NOLC1: variants seen among roughly 807,000 people sequenced by gnomAD.
The protein encoded by NOLC1 is 140 kDa nucleolar phosphoprotein.
NOLC1 carries 37 observed loss-of-function variants against 73.4 expected under a neutral mutation model. The observed-to-expected ratio is 0.50, with a 90% CI of 0.39 to 0.66. The LOEUF is 0.66. Ranked by LOEUF, NOLC1 falls within the 30% of genes least tolerant of loss-of-function variation. The pLI, the probability that NOLC1 is intolerant of heterozygous loss-of-function variation, is 0.00. For synonymous variants in NOLC1, 327 were observed against 302.6 expected (o/e 1.08, Z -0.84); for missense variants, 921 against 838.9 (o/e 1.10, Z -1.21).
At chr10:102,157,376 A>G (rs367791584) in intron 3 of NOLC1, 48 bp downstream of exon 3, 32 of 1,613,298 alleles carry the variant, frequency 2.0e-5, no homozygotes, top group Admixed American at 3.3e-5. Context: ...AAAAGAATTT[A>G]CAGCCTGCTT....
rs1159429260 is a variant in NOLC1, at chr10:102,163,689, T to A, written c.*1420T>A. The A allele has an allele frequency of 3.3e-5, 5 of 152,214 alleles. No individual in the cohort carries two copies. Among genetic ancestry groups the A allele is most frequent in the African/African-American group, 1.2e-4 (5 of 41,448 alleles). 9.4% of individuals were successfully genotyped at this position (152,214 alleles called of 1,614,324 possible). A position where few individuals can be genotyped will look rare whatever the true frequency, so the allele number is the denominator to read the frequency against. The stretch of plus-strand genomic sequence containing the variant: ...GCCTTCATGGACGAGTTATAGGTCT[T>A]AAGATTAGTCTCCTCTTGTTTGGAT... On this transcript the variant is annotated 3_prime_UTR_variant, in exon 13 of 13. Transcript: ENST00000605788.
Position 102,162,260 on chromosome 10 carries a change from C to G in NOLC1, c.2091C>G (p.Asp697Glu), listed in dbSNP as rs1387656246. The change falls in exon 13 of 13, where the codon GAC becomes GAG. Residue 697 changes from aspartate (D) to glutamate (E), a missense_variant. Coordinates refer to ENST00000605788, the MANE Select transcript of NOLC1 (RefSeq NM_004741.5). ...ISVQVNSIKFDSE is the reference protein window; with the variant it reads ...ISVQVNSIKFESE ...TCCAGGTCAATTCTATTAAGTTTGA[C>G]AGCGAGTGACCTGAGGCCATCTTCG... is the stretch of plus-strand genomic sequence containing the variant. 2 of 1,613,886 alleles carry G rather than the reference C, an allele frequency of 1.2e-6. No individual in the cohort carries two copies. Among genetic ancestry groups the G allele is most frequent in the South Asian group, 2.2e-5 (2 of 91,054 alleles).
chr10:102,158,258 C>T (rs1399011559), intron 5 of NOLC1, 44 bp downstream of exon 5: 2 of 1,574,736 alleles, frequency 1.3e-6, no homozygotes, highest in Middle Eastern at 1.7e-4. Context: ...GACCAGATTG[C>T]TCTGGGGACT....
chr10:102,158,849 C>T (rs1363828874), intron 5 of NOLC1, among the ~76,000 whole-genome samples: 3 of 152,022 alleles, frequency 2.0e-5, no homozygotes, highest in African/African-American at 7.2e-5. Context: ...AATCCCAGCA[C>T]TTTGGGAGGC....
Position 102,157,309 on chromosome 10 carries a change from G to A in NOLC1, c.297G>A (p.Gly99=), listed in dbSNP as rs1469678694. Reference sequence around the variant, plus strand: ...GCGAGGAGGAGGAGGAAGTTCAAGGGCCTCCAGCAAAGAAGGCTGGTAAGG... The same window carrying A: ...GCGAGGAGGAGGAGGAAGTTCAAGGACCTCCAGCAAAGAAGGCTGGTAAGG... ...DSSEEEEEVQ[G]PPAKKAAVPA... Residue 99 remains glycine (G), a synonymous_variant, in exon 3 of 13, where the codon GGG becomes GGA. Transcript: ENST00000605788. The A allele has an allele frequency of 2.5e-6, 4 of 1,614,128 alleles. No individual in the cohort carries two copies. The highest frequency in any genetic ancestry group is 3.4e-6 in the Non-Finnish European group (4 of 1,180,002).
chr10:102,156,122 G>A (rs2069590644), intron 1 of NOLC1, among the ~76,000 whole-genome samples: 1 of 152,248 alleles, frequency 6.6e-6, no homozygotes, highest in Admixed American at 6.5e-5. Context: ...TTATAGGCGT[G>A]AGCCACTGCA....
chr10:102,162,009 C>G, intron 12 of NOLC1, 84 bp downstream of exon 12: 1 of 1,602,584 alleles, frequency 6.2e-7, no homozygotes, highest in Non-Finnish European at 8.5e-7. Flanking sequence ...TGGTGGGAAT[C>G]TTCTCTGGGT....
intron 10 of NOLC1, 75 bp downstream of exon 10, chr10:102,161,168 G>A (rs1029559810): frequency 2.1e-6 from 3 of 1,441,912 alleles, no homozygotes; most frequent in South Asian, 1.4e-5. Context: ...TGAGAGTAGG[G>A]TAGTGAGAGG....
intron 1 of NOLC1, among the ~76,000 whole-genome samples, chr10:102,156,507 G>A (rs1158109322): frequency 6.6e-6 from 1 of 150,694 alleles, no homozygotes; most frequent in Non-Finnish European, 1.5e-5. Flanking sequence ...CTAGGTTCAA[G>A]TGATTCTCCT....
At position 102,160,969 on chromosome 10, in the gene NOLC1, A is replaced by G. The variant is rs774542141; in HGVS notation, c.1617A>G (p.Pro539=). ...EEEKLKGKGS[P]RPQAPKANGT... ...AGAAGCTCAAGGGCAAGGGCTCTCC[A>G]AGACCACAAGCCCCCAAGGCCAATG... is the stretch of plus-strand genomic sequence containing the variant. The change falls in exon 10 of 13, where the codon CCA becomes CCG. Residue 539 remains proline, a synonymous_variant. Coordinates refer to ENST00000605788, the MANE Select transcript of NOLC1 (RefSeq NM_004741.5). 3 of 1,614,192 alleles carry G rather than the reference A, an allele frequency of 1.9e-6. No homozygotes were observed. The South Asian group carries it at 3.3e-5, about 18-fold the overall frequency.
At chr10:102,157,946 C>T (rs996737620) in intron 4 of NOLC1, 103 bp from the exon 5 acceptor site, 28 of 1,042,538 alleles carry the variant, frequency 2.7e-5, no homozygotes, top group Admixed American at 2.5e-5. Flanking sequence ...CTTTCTTTTG[C>T]TCTTACTGCT....
At chr10:102,161,995 A>G (rs747653052) in intron 12 of NOLC1, 70 bp downstream of exon 12, 145 of 1,601,646 alleles carry the variant, frequency 9.1e-5, no homozygotes, top group Non-Finnish European at 1.2e-4. Context: ...TTCTTGGTTC[A>G]GGTTGGTGGG....
chr10:102,160,326 G>A lies in NOLC1; in HGVS notation c.1082G>A (p.Ser361Asn). ...KPPPAKKAAESSSDSSDSDSS... is the reference protein window; with the variant it reads ...KPPPAKKAAENSSDSSDSDSS... ...CCTCCAGCAAAGAAAGCAGCAGAGA[G>A]CTCTTCAGACAGCTCAGGTAAGGCA... The change falls in exon 9 of 13, where the codon AGC becomes AAC. Residue 361 changes from serine to asparagine, a missense_variant. Physicochemically the swap from Ser to Asn is conservative, Grantham distance 46. Coordinates refer to ENST00000605788, the MANE Select transcript of NOLC1 (RefSeq NM_004741.5). 9 of 1,614,202 alleles carry A rather than the reference G, an allele frequency of 5.6e-6. No homozygotes were observed. Among genetic ancestry groups the A allele is most frequent in the Non-Finnish European group, 7.6e-6 (9 of 1,180,018 alleles).
At position 102,159,694 on chromosome 10, in the gene NOLC1, A is replaced by G. The variant is rs192073220; in HGVS notation, c.859+126A>G. 1.6e-5 allele frequency: 18 copies of G among 1,144,390 alleles called. No individual in the cohort carries two copies. In the East Asian group the frequency reaches 3.6e-4, roughly 23 times the overall value. 70.9% of individuals were successfully genotyped at this position (1,144,390 alleles called of 1,614,324 possible). Reference sequence around the variant, plus strand: ...ATGACAGCTAGCTTCTCCGAGCACTAGTGATCCAGGAAAGCAAGGAGAAAT... The same window carrying G: ...ATGACAGCTAGCTTCTCCGAGCACTGGTGATCCAGGAAAGCAAGGAGAAAT... On this transcript the variant is annotated intron_variant, in intron 7 of 12. Coordinates refer to ENST00000605788, the MANE Select transcript of NOLC1 (RefSeq NM_004741.5).
rs765942242 is a variant in NOLC1, at chr10:102,162,284, C to A, written c.*15C>A. 3 of 1,612,124 alleles carry A rather than the reference C, an allele frequency of 1.9e-6. No individual in the cohort carries two copies. Among genetic ancestry groups the A allele is most frequent in the Non-Finnish European group, 1.7e-6 (2 of 1,178,688 alleles). On this transcript the variant is annotated 3_prime_UTR_variant, in exon 13 of 13. Transcript: ENST00000605788. ...ACAGCGAGTGACCTGAGGCCATCTT[C>A]GGTGAAGCAAGGGTGATGATCGGAG...
In NOLC1 at chr10:102,159,581, G is replaced by A. The variant is rs1474703713; in HGVS notation, c.859+13G>A. On this transcript the variant is annotated intron_variant, in intron 7 of 12. Transcript: ENST00000605788. ...AAAAATAAACCAGGTGACTGGACAT[G>A]GGGAGCGAAGCTGTGTGACTGTGGT... is the stretch of plus-strand genomic sequence containing the variant. 2.5e-6 allele frequency: 4 copies of A among 1,611,884 alleles called. No homozygotes were observed. In the Admixed American group the frequency reaches 6.7e-5, roughly 27 times the overall value.
Position 102,160,218 on chromosome 10 carries a change from AC to A in NOLC1, c.989-14del. 1 of 1,610,920 alleles carries A rather than the reference AC, an allele frequency of 6.2e-7. No homozygotes were observed. The highest frequency in any genetic ancestry group is 8.5e-7 in the Non-Finnish European group (1 of 1,177,078). ...GGGACTCTGGACCCAGCATAATGCT[AC>A]AGGTTCTCCTCAGATTCAAGTTCTG... On this transcript the variant is annotated splice_polypyrimidine_tract_variant and intron_variant, in intron 8 of 12. Coordinates refer to ENST00000605788, the MANE Select transcript of NOLC1 (RefSeq NM_004741.5).
chr10:102,159,161 T>A, intron 5 of NOLC1, 32 bp from the exon 6 acceptor site: 2 of 1,580,624 alleles, frequency 1.3e-6, no homozygotes, highest in Admixed American at 1.7e-5. Context: ...GCCCTAATAC[T>A]CCTTACTCTT....
chr10:102,161,798 C>T (rs1207498624), intron 11 of NOLC1, 35 bp from the exon 12 acceptor site: 2 of 1,600,030 alleles, frequency 1.2e-6, no homozygotes, highest in African/African-American at 2.7e-5. Flanking sequence ...TACATGACCA[C>T]TCTGTCTTTA....
Sources: allele counts gnomAD v4.1 joint callset (sites outside exome capture counted in the v4.1 genomes callset), GRCh38; gene constraint gnomAD v4.1.1; transcripts MANE v1.5; gene names NCBI Gene and HGNC (gene_info 2026-07-23, HGNC 2026-07-21).